Variants in MTM1 observed in about 807,000 individuals in gnomAD.
MTM1 encodes the protein myotubularin 1.
MTM1 carries 9 observed loss-of-function variants against 52.1 expected under a neutral mutation model. That is an observed-to-expected ratio of 0.17 (90% CI 0.10 to 0.30). The LOEUF (loss-of-function observed/expected upper bound fraction) is 0.30, where lower values mean the gene tolerates loss of function less well. Ranked by LOEUF, MTM1 falls within the 10% of genes least tolerant of loss-of-function variation. The pLI is 1.00. For synonymous variants in MTM1, 136 were observed against 163.8 expected (o/e 0.83, Z 1.29); for missense variants, 277 against 470.7 (o/e 0.59, Z 3.81).
At chrX:150,658,644 A>G (rs942603864) in intron 11 of MTM1, among the ~76,000 whole-genome samples, 1 of 111,345 alleles carries the variant, frequency 9.0e-6, no homozygotes, top group Non-Finnish European at 1.9e-5. Flanking sequence ...TCAAAAGAAC[A>G]TACTAAAATT....
At chrX:150,645,012 G>A (rs2039907023) in intron 8 of MTM1, among the ~76,000 whole-genome samples, 1 of 111,861 alleles carries the variant, frequency 8.9e-6, no homozygotes, top group African/African-American at 3.2e-5. Context: ...TACCTTTTAC[G>A]TGTATTACTT....
intron 1 of MTM1, among the ~76,000 whole-genome samples, chrX:150,585,249 A>G (rs1293699520): frequency 9.0e-6 from 1 of 111,648 alleles, no homozygotes; most frequent in Non-Finnish European, 1.9e-5. Context: ...GTTATCTCCA[A>G]CCTTTTCTCC....
chrX:150,645,619 A>G, intron 8 of MTM1, 64 bp from the exon 9 acceptor site: 1 of 1,027,337 alleles, frequency 9.7e-7, no homozygotes. Context: ...ACTGTTTTAC[A>G]GTTTTAATTG....
chrX:150,665,359 G>A (rs782054337), intron 14 of MTM1, among the ~76,000 whole-genome samples: 1 of 112,241 alleles, frequency 8.9e-6, no homozygotes, highest in Admixed American at 9.4e-5. Context: ...GGGGCGGCCA[G>A]AAACATAAGC....
chrX:150,631,782 T>C (rs2039676101), intron 6 of MTM1, among the ~76,000 whole-genome samples: 1 of 111,017 alleles, frequency 9.0e-6, no homozygotes, highest in African/African-American at 3.3e-5. Flanking sequence ...TTATTTGGAG[T>C]TAAAGTATAA....
At chrX:150,629,022 C>T (rs1405508534) in intron 6 of MTM1, among the ~76,000 whole-genome samples, 3 of 110,967 alleles carry the variant, frequency 2.7e-5, no homozygotes, top group African/African-American at 9.9e-5. Context: ...ATTCTGCCTC[C>T]CCAGCCTGAC....
At chrX:150,592,336 A>C (rs1557412503) in intron 1 of MTM1, among the ~76,000 whole-genome samples, 1 of 111,342 alleles carries the variant, frequency 9.0e-6, no homozygotes, top group Non-Finnish European at 1.9e-5. Flanking sequence ...TGGAATGTGT[A>C]TGGCGTCTTC....
chrX:150,563,182 C>G, the MTM1 span, among the ~76,000 whole-genome samples: 3 of 110,272 alleles, frequency 2.7e-5, no homozygotes, highest in African/African-American at 9.9e-5. Context: ...CTTCAAGACC[C>G]CAGTCCTCTT....
chrX:150,659,985 A>G lies in MTM1; in HGVS notation c.1353+229A>G, dbSNP rs138203673. ...CCTAATAAAGTTTTAAAAATTAAGTATTTAACTCTGATGTCTCTACTAGTG... is the reference window on the plus strand; with the variant it reads ...CCTAATAAAGTTTTAAAAATTAAGTGTTTAACTCTGATGTCTCTACTAGTG... On this transcript the variant is annotated intron_variant, in intron 12 of 14. Transcript: ENST00000370396. Among the ~76,000 whole-genome samples, 2,775 of 111,677 alleles carry G rather than the reference A, an allele frequency of 0.025. 39 individuals are homozygous for G. The highest frequency in any genetic ancestry group is 0.037 in the Non-Finnish European group (1,961 of 53,143).
intron 4 of MTM1, among the ~76,000 whole-genome samples, chrX:150,604,147 C>T (rs782604407): frequency 1.8e-5 from 2 of 111,849 alleles, no homozygotes; most frequent in South Asian, 3.8e-4. Context: ...TCTCGCAGTC[C>T]TCTTCCACCT....
In MTM1 at chrX:150,641,193, G is replaced by A. The variant is rs782310438; in HGVS notation, c.529-76G>A. 4.3e-3 allele frequency: 4,811 copies of A among 1,114,627 alleles called. 10 individuals carry two copies. The highest frequency in any genetic ancestry group is 4.8e-3 in the Non-Finnish European group (3,861 of 812,368). The allele number at this position is 1,114,627 out of a possible 1,213,427, so 91.9% of individuals were successfully genotyped here. A position where few individuals can be genotyped will look rare whatever the true frequency, so the allele number is the denominator to read the frequency against. ...AGGCATGTGCACATATTGCTAGAAG[G>A]AAGAAAAGAGGCCCAAGGCCAAATC... On this transcript the variant is annotated intron_variant, in intron 7 of 14. Transcript: ENST00000370396.
chrX:150,657,791 C>T, intron 10 of MTM1, 30 bp from the exon 11 acceptor site: 1 of 1,172,720 alleles, frequency 8.5e-7, no homozygotes, highest in Non-Finnish European at 1.2e-6. Context: ...CTTATAACTC[C>T]CTACTGACTC....
intron 4 of MTM1, among the ~76,000 whole-genome samples, chrX:150,608,804 G>GGATGAT (rs782040362): frequency 3.1e-4 from 34 of 108,829 alleles, no homozygotes; most frequent in East Asian, 2.3e-3. Flanking sequence ...GCCTTCCCCA[G>GGATGAT]GATGATGATG....
chrX:150,590,689 T>C (rs1383176089), intron 1 of MTM1, among the ~76,000 whole-genome samples: 1 of 111,746 alleles, frequency 8.9e-6, no homozygotes, highest in African/African-American at 3.3e-5. Flanking sequence ...AAATCAGAAA[T>C]AGCAGGAAGA....
At chrX:150,619,842 C>A (rs1300442124) in intron 6 of MTM1, among the ~76,000 whole-genome samples, 1 of 111,416 alleles carries the variant, frequency 9.0e-6, no homozygotes, top group Admixed American at 9.5e-5. Context: ...TAATTATTTA[C>A]AACATATACT....
intron 2 of MTM1, among the ~76,000 whole-genome samples, chrX:150,595,273 C>T (rs2038955890): frequency 9.0e-6 from 1 of 110,904 alleles, no homozygotes; most frequent in African/African-American, 3.3e-5. Flanking sequence ...CCAGCCTGGC[C>T]AACATGGTGA....
chrX:150,585,571 C>T (rs1455533054), intron 1 of MTM1, among the ~76,000 whole-genome samples: 1 of 112,411 alleles, frequency 8.9e-6, no homozygotes, highest in Non-Finnish European at 1.9e-5. Context: ...GAATAGTTCT[C>T]ACAGGGGAAA....
chrX:150,591,377 A>G (rs1457092935), intron 1 of MTM1, among the ~76,000 whole-genome samples: 1 of 112,295 alleles, frequency 8.9e-6, no homozygotes. Context: ...GCCAGGATAC[A>G]GCCACGAACC....
upstream of MTM1, among the ~76,000 whole-genome samples, chrX:150,566,134 C>CTTGT (rs1309421548): frequency 3.6e-5 from 4 of 110,600 alleles, no homozygotes; most frequent in East Asian, 8.5e-4. Flanking sequence ...AGTGTACAAC[C>CTTGT]TTGTTTGTTT....
Sources: allele counts gnomAD v4.1 joint callset (sites outside exome capture counted in the v4.1 genomes callset), GRCh38; gene constraint gnomAD v4.1.1; transcripts MANE v1.5; gene names NCBI Gene and HGNC (gene_info 2026-07-23, HGNC 2026-07-21).